MYBPC1: variants seen among roughly 807,000 people sequenced by gnomAD.
The protein encoded by MYBPC1 is myosin-binding protein C, slow-type.
Under a neutral mutation model 147.1 loss-of-function variants are expected in MYBPC1, and 52 were observed. The observed-to-expected ratio is 0.35, with a 90% CI of 0.28 to 0.45. MYBPC1 has a LOEUF of 0.45. MYBPC1 is among the 20% of genes least tolerant of loss of function. The probability of loss-of-function intolerance (pLI) is 1.00; values close to 1 mark genes in which losing one functional copy is unlikely to be tolerated. For synonymous variants in MYBPC1, 477 were observed against 475.9 expected, an observed-to-expected ratio of 1.00 and a Z score of -0.03; for missense variants, 1,228 against 1,440.3, an observed-to-expected ratio of 0.85 and a Z score of 2.39.
intron 16 of MYBPC1, 39 bp from the exon 17 acceptor site, chr12:101,652,639 C>A (rs769566421): frequency 2.1e-6 from 3 of 1,444,374 alleles, no homozygotes; most frequent in South Asian, 1.1e-5. Context: ...TAAACTAGAT[C>A]TTTGGAGTCT....
Position 101,685,705 on chromosome 12 carries a change from T to C in MYBPC1, c.*143T>C. 6.9e-7 allele frequency: 1 copy of C among 1,440,102 alleles called. No homozygotes were observed. Among genetic ancestry groups the C allele is most frequent in the Admixed American group, 2.0e-5 (1 of 50,286 alleles). 89.2% of individuals were successfully genotyped at this position (1,440,102 alleles called of 1,614,324 possible). ...TGAGGGAGGGCCTGGCTACTGTCTC[T>C]CTGCACTCTGCTGCTTTGAAATCTG... On this transcript the variant is annotated 3_prime_UTR_variant, in exon 32 of 32. Transcript: ENST00000361466.
intron 21 of MYBPC1, 104 bp downstream of exon 21, chr12:101,662,650 T>C: frequency 1.5e-6 from 2 of 1,297,866 alleles, no homozygotes; most frequent in Admixed American, 3.7e-5. Flanking sequence ...CTTCTTAGAG[T>C]TGTAGGTGGG....
chr12:101,595,050 G>A lies in MYBPC1; in HGVS notation c.-21G>A, dbSNP rs375552772. ...CGTGGAGGGAAGGAGACTCTTTAAA[G>A]AATAACATCTTATTGTGGCCATGCC... On this transcript the variant is annotated 5_prime_UTR_variant, in exon 1 of 32. Transcript: ENST00000361466. 1.9e-6 allele frequency: 3 copies of A among 1,612,082 alleles called. No homozygotes were observed. Among genetic ancestry groups the A allele is most frequent in the South Asian group, 1.1e-5 (1 of 90,976 alleles).
intron 29 of MYBPC1, among the ~76,000 whole-genome samples, chr12:101,682,049 G>A (rs1951037723): frequency 6.6e-6 from 1 of 151,854 alleles, no homozygotes; most frequent in Non-Finnish European, 1.5e-5. Context: ...TTACTATTGA[G>A]ATAACCCTTA....
Position 101,666,890 on chromosome 12 carries a change from T to TAC in MYBPC1, c.2357-840_2357-839dup, listed in dbSNP as rs148269135. 2.3e-3 allele frequency: 1,066 copies of TAC among 463,802 alleles called. 6 individuals are homozygous for TAC. Among genetic ancestry groups the TAC allele is most frequent in the East Asian group, 8.5e-3 (142 of 16,728 alleles). The allele number at this position is 463,802 out of a possible 1,614,324, so 28.7% of individuals were successfully genotyped here. The stretch of plus-strand genomic sequence containing the variant: ...CCAAGCATGAAGAATACTCATCACA[T>TAC]ACATACACACACACACACACACACA... On this transcript the variant is annotated intron_variant, in intron 22 of 31. Transcript: ENST00000361466.
At chr12:101,645,348 G>A (rs1230592769) in intron 12 of MYBPC1, among the ~76,000 whole-genome samples, 2 of 152,208 alleles carry the variant, frequency 1.3e-5, no homozygotes, top group African/African-American at 2.4e-5. Context: ...CCTTCTCACA[G>A]ATGGAGACGG....
In MYBPC1 at chr12:101,648,128, G is replaced by C. The variant is rs368374341; in HGVS notation, c.1174G>C (p.Glu392Gln). The change falls in exon 14 of 32, where the codon GAA becomes CAA. Residue 392 changes from glutamate (E) to glutamine (Q), a missense_variant. By Grantham distance (29) the Glu-to-Gln change is conservative. Coordinates refer to ENST00000361466, the MANE Select transcript of MYBPC1 (RefSeq NM_002465.4). ...ERVELECEVS[E>Q]DDANVKWFKN... is the part of the protein sequence containing the mutation. ...AGTGGAATTAGAATGTGAGGTGTCT[G>C]AAGATGATGCCAATGTAAAATGGTA... 4.3e-6 allele frequency: 7 copies of C among 1,611,672 alleles called. No homozygotes were observed. In the African/African-American group the frequency reaches 9.4e-5, roughly 22 times the overall value.
chr12:101,601,301 G>A (rs1565874218), intron 1 of MYBPC1, among the ~76,000 whole-genome samples: 1 of 152,162 alleles, frequency 6.6e-6, no homozygotes, highest in Non-Finnish European at 1.5e-5. Context: ...TCGTAATTCT[G>A]CTCTGTGTGG....
chr12:101,644,551 C>T, intron 11 of MYBPC1, 113 bp from the exon 12 acceptor site: 1 of 1,006,388 alleles, frequency 9.9e-7, no homozygotes, highest in African/African-American at 1.6e-5. Flanking sequence ...TGATTTTTTT[C>T]TTGAGATTCA....
intron 10 of MYBPC1, 50 bp from the exon 11 acceptor site, chr12:101,642,369 T>G (rs1565942619): frequency 6.3e-7 from 1 of 1,598,346 alleles, no homozygotes; most frequent in Non-Finnish European, 8.6e-7. Flanking sequence ...CTTCGTGGTC[T>G]CTAAGGGTCA....
At chr12:101,614,266 C>A (rs1593676042) in intron 1 of MYBPC1, among the ~76,000 whole-genome samples, 1 of 152,144 alleles carries the variant, frequency 6.6e-6, no homozygotes, top group South Asian at 2.1e-4. Flanking sequence ...ATATACCACA[C>A]ATAAATGGCA....
At chr12:101,692,147 A>T in the MYBPC1 span, among the ~76,000 whole-genome samples, 5 of 152,196 alleles carry the variant, frequency 3.3e-5, no homozygotes, top group Admixed American at 1.3e-4. Context: ...AGGGAGGAGA[A>T]TTGGGGAAGA....
rs187000603 is a variant in MYBPC1 at position 101,608,691 on chromosome 12, G to C, written c.26-5805G>C. On this transcript the variant is annotated intron_variant, in intron 1 of 31. Transcript: ENST00000361466. ...CAGGTTCCTCGACACAAGTTGCTTT[G>C]CCGTTTTGGGGAGCCCCGATTTTAA... 3.5e-3 allele frequency among the ~76,000 whole-genome samples: 538 copies of C among 152,346 alleles called. 11 individuals carry two copies. The highest frequency in any genetic ancestry group is 0.03 in the Admixed American group (456 of 15,296).
intron 1 of MYBPC1, among the ~76,000 whole-genome samples, chr12:101,597,492 C>T (rs938250029): frequency 6.6e-6 from 1 of 152,196 alleles, no homozygotes; most frequent in Non-Finnish European, 1.5e-5. Context: ...TACTTCCCAG[C>T]CTACCGTGGC....
At chr12:101,684,152 T>C (rs1483674061) in intron 30 of MYBPC1, among the ~76,000 whole-genome samples, 2 of 152,176 alleles carry the variant, frequency 1.3e-5, no homozygotes, top group African/African-American at 4.8e-5. Flanking sequence ...AAAGTAGTTG[T>C]GCATATTAAT....
intron 30 of MYBPC1, 110 bp from the exon 31 acceptor site, chr12:101,684,272 C>A: frequency 1.2e-6 from 1 of 860,062 alleles, no homozygotes; most frequent in Non-Finnish European, 2.0e-6. Flanking sequence ...AATGAAATCA[C>A]CTCTTCATAA....
chr12:101,667,765 T>C lies in MYBPC1; in HGVS notation c.2390T>C (p.Ile797Thr), dbSNP rs1443661412. 26 of 1,614,086 alleles carry C rather than the reference T, an allele frequency of 1.6e-5. No homozygotes were observed. The Admixed American group carries it at 4.2e-4, about 26-fold the overall frequency. ...EDWIVANKDL[I>T]DKTKFTITGL... is the part of the protein sequence containing the mutation. The stretch of plus-strand genomic sequence containing the variant: ...TGGATAGTTGCAAACAAAGATCTGA[T>C]TGACAAGACGAAGTTCACCATCACA... The change falls in exon 23 of 32, where the codon ATT becomes ACT. Residue 797 changes from isoleucine (I) to threonine (T), a missense_variant. By Grantham distance (89) the Ile-to-Thr change is moderately conservative (BLOSUM62 -1). Transcript: ENST00000361466.
At chr12:101,682,549 TAAG>T in intron 29 of MYBPC1, 52 bp from the exon 30 acceptor site, 3 of 1,523,506 alleles carry the variant, frequency 2.0e-6, no homozygotes, top group Non-Finnish European at 2.7e-6. Flanking sequence ...TGAAAAAAGG[TAAG>T]AATGTCAACT....
At position 101,666,786 on chromosome 12, in the gene MYBPC1, A is replaced by G. The variant is rs144211685; in HGVS notation, c.2357-946A>G. On this transcript the variant is annotated intron_variant, in intron 22 of 31. Coordinates refer to ENST00000361466, the MANE Select transcript of MYBPC1 (RefSeq NM_002465.4). ...TCTGATGAAAATGGGGAGGCTGCCT[A>G]TGATCTGCCAGGTAAAGTATTCCGT... 1.1e-5 allele frequency: 17 copies of G among 1,613,662 alleles called. No homozygotes were observed. The African/African-American group carries it at 1.6e-4, about 15-fold the overall frequency.
Sources: gnomAD v4.1 joint callset for allele counts (sites outside exome capture counted in the v4.1 genomes callset) on GRCh38, gnomAD v4.1.1 for gene constraint, MANE v1.5 for transcripts, NCBI Gene and HGNC (gene_info 2026-07-23, HGNC 2026-07-21) for gene names.